The following DCHS2 variants were observed in gnomAD, a reference collection of about 807,000 sequenced individuals.
DCHS2 encodes protocadherin-23.
Under a neutral mutation model 182.4 loss-of-function variants are expected in DCHS2, and 142 were observed. The observed-to-expected ratio is 0.78, with a 90% CI of 0.68 to 0.89. The LOEUF is 0.89. Ranked by LOEUF, DCHS2 falls within the 40% of genes least tolerant of loss-of-function variation. The pLI is 0.00. For missense variants in DCHS2, 4,319 were observed against 4,198.6 expected, an observed-to-expected ratio of 1.03 and a Z score of -0.79; for synonymous variants, 1,740 against 1,663.3, an observed-to-expected ratio of 1.05 and a Z score of -1.12.
At chr4:154,251,051 A>G (rs1414787901) in intron 16 of DCHS2, among the ~76,000 whole-genome samples, 3 of 152,290 alleles carry the variant, frequency 2.0e-5, no homozygotes, top group African/African-American at 4.8e-5. Context: ...CAGGGCATCA[A>G]TAGACTGGGA....
At chr4:154,455,573 T>C (rs1734728477) in intron 1 of DCHS2, among the ~76,000 whole-genome samples, 2 of 152,210 alleles carry the variant, frequency 1.3e-5, no homozygotes, top group African/African-American at 4.8e-5. Context: ...AGGAAATCAC[T>C]TCTGGTGGAA....
At chr4:154,309,276 C>T (rs1381462953) in intron 10 of DCHS2, among the ~76,000 whole-genome samples, 1 of 152,180 alleles carries the variant, frequency 6.6e-6, no homozygotes, top group African/African-American at 2.4e-5. Flanking sequence ...GATCTGCAAA[C>T]TACATTCCCC....
chr4:154,332,430 T>C (rs758655048), intron 5 of DCHS2, 48 bp downstream of exon 5: 3 of 1,465,360 alleles, frequency 2.0e-6, no homozygotes, highest in Non-Finnish European at 2.8e-6. Context: ...AGTGTGATAG[T>C]ACTGAACCCT....
At chr4:154,445,885 T>C (rs1254237539) in intron 1 of DCHS2, among the ~76,000 whole-genome samples, 4 of 149,698 alleles carry the variant, frequency 2.7e-5, no homozygotes. Flanking sequence ...ATCCCTCGAG[T>C]AGAACAAAAA....
chr4:154,444,389 A>AT (rs1579088751), intron 1 of DCHS2, among the ~76,000 whole-genome samples: 2 of 152,046 alleles, frequency 1.3e-5, no homozygotes, highest in East Asian at 3.9e-4. Context: ...AGGTGCCTGC[A>AT]TTTTCATTCA....
intron 10 of DCHS2, among the ~76,000 whole-genome samples, chr4:154,312,845 C>G (rs1232479570): frequency 1.3e-5 from 2 of 152,200 alleles, no homozygotes; most frequent in East Asian, 3.8e-4. Context: ...CACCTTATAA[C>G]TTCCTATGAA....
At chr4:154,399,273 T>C (rs955246401) in intron 1 of DCHS2, among the ~76,000 whole-genome samples, 1 of 152,236 alleles carries the variant, frequency 6.6e-6, no homozygotes, top group Admixed American at 6.5e-5. Flanking sequence ...CCTTTGCTTT[T>C]AATCGTTCCC....
rs1435638475 is a variant in DCHS2, at chr4:154,417,192, TGTGTGTGTGTGTGA to T, written c.2053-39762_2053-39749del. On this transcript the variant is annotated intron_variant, in intron 1 of 19. Transcript: ENST00000357232. ...GTGTGTGTGTGTGTGTGTGTGTGTG[TGTGTGTGTGTGTGA>T]GAGAGAGAGAGAGAGAGAGAGAGAG... Among the ~76,000 whole-genome samples the T allele has an allele frequency of 1.4e-3, 148 of 104,158 alleles. 1 individual carries two copies. Among genetic ancestry groups the T allele is most frequent in the African/African-American group, 5.1e-3 (133 of 26,250 alleles). 68.3% of individuals were successfully genotyped at this position (104,158 alleles called of 152,430 possible).
chr4:154,423,138 G>A (rs1038736133), intron 1 of DCHS2, among the ~76,000 whole-genome samples: 12 of 152,302 alleles, frequency 7.9e-5, no homozygotes, highest in African/African-American at 2.9e-4. Flanking sequence ...TAGTAGGTAT[G>A]TAAATTTTAG....
intron 1 of DCHS2, chr4:154,486,617 G>A: frequency 8.6e-7 from 1 of 1,167,118 alleles, no homozygotes; most frequent in African/African-American, 1.6e-5. Flanking sequence ...AACACAGGAG[G>A]TGTCATGAGA....
At chr4:154,373,771 G>A (rs1429671881) in intron 2 of DCHS2, 9 of 627,606 alleles carry the variant, frequency 1.4e-5, no homozygotes, top group South Asian at 1.1e-4. Flanking sequence ...CCTGCAAGAC[G>A]GGCAAGAGGG....
rs1157699083 is a variant in DCHS2, at chr4:154,242,989, C to A, written c.6942-217G>T. ...GGCATGTTCAGAGAACCAAATCCAG[C>A]AAGCTGCCAGGGATCATGAGGCATT... On this transcript the variant is annotated intron_variant, in intron 16 of 19. Transcript: ENST00000357232. Among the ~76,000 whole-genome samples, 20 of 152,114 alleles carry A rather than the reference C, an allele frequency of 1.3e-4. 1 individual carries two copies. The highest frequency in any genetic ancestry group is 1.3e-3 in the Admixed American group (20 of 15,264).
At chr4:154,363,347 T>C (rs554942364) in intron 3 of DCHS2, among the ~76,000 whole-genome samples, 2 of 152,204 alleles carry the variant, frequency 1.3e-5, no homozygotes, top group Non-Finnish European at 1.5e-5. Flanking sequence ...ATAATGAAAA[T>C]GTAGTATATA....
Position 154,348,599 on chromosome 4 carries a change from G to A in DCHS2, c.2477-13495C>T, listed in dbSNP as rs973369917. ...AAGGGTGCCCTAAATCCAATGACCGGTGTCCACACACAAGGAAGGACACAA... is the reference window on the plus strand; with the variant it reads ...AAGGGTGCCCTAAATCCAATGACCGATGTCCACACACAAGGAAGGACACAA... On this transcript the variant is annotated intron_variant, in intron 3 of 19. Transcript: ENST00000357232. Among the ~76,000 whole-genome samples, 68 of 151,724 alleles carry A rather than the reference G, an allele frequency of 4.5e-4. 3 individuals carry two copies. The highest frequency in any genetic ancestry group is 1.6e-3 in the African/African-American group (65 of 41,036).
chr4:154,327,993 A>G, intron 7 of DCHS2, 100 bp downstream of exon 7: 4 of 745,596 alleles, frequency 5.4e-6, no homozygotes, highest in Non-Finnish European at 8.0e-6. Flanking sequence ...ACAGCATTCA[A>G]AGTAATCAAA....
At chr4:154,388,630 G>A (rs1340963316) in intron 1 of DCHS2, among the ~76,000 whole-genome samples, 1 of 151,756 alleles carries the variant, frequency 6.6e-6, no homozygotes, top group Non-Finnish European at 1.5e-5. Context: ...GAGTAGCTGG[G>A]ATTACAGGCG....
At chr4:154,247,498 T>G (rs1034960379) in intron 16 of DCHS2, among the ~76,000 whole-genome samples, 1 of 151,576 alleles carries the variant, frequency 6.6e-6, no homozygotes, top group African/African-American at 2.4e-5. Flanking sequence ...AAAAATTAGC[T>G]GGGTGTGGTA....
At chr4:154,316,069 T>A (rs1330693883) in intron 9 of DCHS2, 82 bp from the exon 10 acceptor site, 11 of 1,546,334 alleles carry the variant, frequency 7.1e-6, no homozygotes, top group Non-Finnish European at 8.7e-6. Context: ...ATCTAACTTG[T>A]CTACCTAATA....
In DCHS2 at chr4:154,321,038, A is replaced by C. The variant is rs765096297; in HGVS notation, c.4361T>G (p.Ile1454Arg). 9 of 1,613,614 alleles carry C rather than the reference A, an allele frequency of 5.6e-6. No individual in the cohort carries two copies. The highest frequency in any genetic ancestry group is 7.6e-6 in the Non-Finnish European group (9 of 1,179,714). Residue 1454 changes from isoleucine (I) to arginine (R), a missense_variant, in exon 9 of 20, where the codon ATA becomes AGA. Transcript: ENST00000357232. ...AAACAAGTCTCCGGTTGAGCTGTCT[A>C]TTTCAAAGTGTCCATCCTTATCATC... ...VADDKDGHFEIDSSTGDLFLS... is the reference protein window; with the variant it reads ...VADDKDGHFERDSSTGDLFLS...
Sources: gnomAD v4.1 joint callset for allele counts (sites outside exome capture counted in the v4.1 genomes callset) on GRCh38, gnomAD v4.1.1 for gene constraint, MANE v1.5 for transcripts, NCBI Gene and HGNC (gene_info 2026-07-23, HGNC 2026-07-21) for gene names.